The following CDH18 variants were observed in gnomAD, a reference collection of about 807,000 sequenced individuals.
CDH18 encodes the protein cadherin 18.
CDH18 carries 31 observed loss-of-function variants against 67.9 expected under a neutral mutation model. The observed-to-expected ratio is 0.46, with a 90% CI of 0.34 to 0.62. The LOEUF (loss-of-function observed/expected upper bound fraction) is 0.62. CDH18 is among the 20% of genes least tolerant of loss of function. The pLI is 0.01. For missense variants in CDH18, 890 were observed against 975.5 expected (o/e 0.91, Z 1.17); for synonymous variants, 362 against 347.2 (o/e 1.04, Z -0.48).
chr5:19,961,103 T>A (rs934398547), intron 2 of CDH18, among the ~76,000 whole-genome samples: 5 of 117,164 alleles, frequency 4.3e-5, no homozygotes, highest in Non-Finnish European at 7.8e-5. Flanking sequence ...CATTATAATT[T>A]TTTTTTTTTT....
At chr5:19,829,150 C>A (rs955976686) in intron 3 of CDH18, among the ~76,000 whole-genome samples, 1 of 152,084 alleles carries the variant, frequency 6.6e-6, no homozygotes, top group Non-Finnish European at 1.5e-5. Context: ...CAGAAACAGA[C>A]CAAAACAAAC....
chr5:19,746,085 TAAAG>T (rs1401399497), intron 4 of CDH18, among the ~76,000 whole-genome samples: 5 of 152,138 alleles, frequency 3.3e-5, no homozygotes, highest in African/African-American at 7.2e-5. Flanking sequence ...TAGAGTCTCA[TAAAG>T]ATAGTCGAAA....
At chr5:19,811,550 G>C (rs1251479589) in intron 3 of CDH18, among the ~76,000 whole-genome samples, 1 of 152,088 alleles carries the variant, frequency 6.6e-6, no homozygotes, top group East Asian at 1.9e-4. Flanking sequence ...ATAATATGCT[G>C]TTTAAGTCAC....
At chr5:19,691,767 G>T (rs1464102486) in intron 5 of CDH18, among the ~76,000 whole-genome samples, 3 of 151,530 alleles carry the variant, frequency 2.0e-5, no homozygotes, top group African/African-American at 7.3e-5. Flanking sequence ...CTCTTGGAAA[G>T]AAAAAAATCC....
chr5:19,556,649 A>G (rs1442909374), intron 8 of CDH18, among the ~76,000 whole-genome samples: 1 of 152,148 alleles, frequency 6.6e-6, no homozygotes, highest in African/African-American at 2.4e-5. Context: ...AAACATAAAA[A>G]CAATTGGTGC....
chr5:19,756,774 G>C (rs1455627925), intron 3 of CDH18, among the ~76,000 whole-genome samples: 2 of 152,184 alleles, frequency 1.3e-5, no homozygotes, highest in African/African-American at 4.8e-5. Context: ...AAGGCCTCTA[G>C]GCCAGCAGAA....
intron 2 of CDH18, among the ~76,000 whole-genome samples, chr5:19,960,779 GTA>G (rs149626640): frequency 0.095 from 13,127 of 138,434 alleles, 2,617 homozygotes; most frequent in African/African-American, 0.35. Context: ...ATATACACGT[GTA>G]TATATATGTG....
intron 11 of CDH18, among the ~76,000 whole-genome samples, chr5:19,490,936 C>T (rs915620059): frequency 6.6e-6 from 1 of 152,066 alleles, no homozygotes; most frequent in South Asian, 2.1e-4. Flanking sequence ...TTTGAAATAA[C>T]CAGAGAGAGA....
chr5:20,016,378 T>C (rs112026159), intron 2 of CDH18, among the ~76,000 whole-genome samples: 3 of 152,244 alleles, frequency 2.0e-5, no homozygotes, highest in African/African-American at 7.2e-5. Context: ...ACGTAGTACC[T>C]GAATGACAAA....
chr5:20,486,719 ATG>A (rs1232909444), intron 1 of CDH18, among the ~76,000 whole-genome samples: 1 of 146,912 alleles, frequency 6.8e-6, no homozygotes, highest in Non-Finnish European at 1.5e-5. Context: ...GTGTGTGTGT[ATG>A]TGTGTGTGTG....
intron 2 of CDH18, among the ~76,000 whole-genome samples, chr5:19,959,040 T>G (rs188012482): frequency 1.1e-4 from 16 of 152,188 alleles, no homozygotes; most frequent in Admixed American, 8.5e-4. Context: ...ATGGTAAACG[T>G]TTTTTAAAAT....
At chr5:20,400,790 TAAAA>T (rs1364639847) in intron 1 of CDH18, among the ~76,000 whole-genome samples, 1 of 152,048 alleles carries the variant, frequency 6.6e-6, no homozygotes, top group Non-Finnish European at 1.5e-5. Context: ...ATCAAACAAA[TAAAA>T]TAAGTAAAAT....
At chr5:20,243,836 A>C (rs1423648473) in intron 2 of CDH18, among the ~76,000 whole-genome samples, 1 of 152,114 alleles carries the variant, frequency 6.6e-6, no homozygotes, top group Admixed American at 6.6e-5. Context: ...TAGCTCAAGG[A>C]TTGGCACTTG....
At chr5:20,449,319 G>T (rs943777313) in intron 1 of CDH18, among the ~76,000 whole-genome samples, 4 of 152,056 alleles carry the variant, frequency 2.6e-5, no homozygotes, top group African/African-American at 9.7e-5. Flanking sequence ...GAGTGTAAGT[G>T]CTGGAGTTTG....
intron 1 of CDH18, among the ~76,000 whole-genome samples, chr5:20,306,300 T>C (rs1736447533): frequency 6.6e-6 from 1 of 152,228 alleles, no homozygotes; most frequent in Admixed American, 6.5e-5. Context: ...AGCAGGTTTT[T>C]TTCATATTTC....
At chr5:20,275,729 C>A (rs1451524837) in intron 1 of CDH18, among the ~76,000 whole-genome samples, 1 of 152,144 alleles carries the variant, frequency 6.6e-6, no homozygotes, top group Non-Finnish European at 1.5e-5. Context: ...TAATAAGAAT[C>A]AAACTTCAGG....
chr5:19,881,873 A>G (rs973906967), intron 2 of CDH18, among the ~76,000 whole-genome samples: 1 of 152,104 alleles, frequency 6.6e-6, no homozygotes, highest in African/African-American at 2.4e-5. Context: ...ATTACATCTT[A>G]TACATGTTCA....
chr5:19,490,744 AC>A, intron 11 of CDH18, among the ~76,000 whole-genome samples: 1 of 151,910 alleles, frequency 6.6e-6, no homozygotes, highest in Non-Finnish European at 1.5e-5. Context: ...TTGTTTTTCT[AC>A]TTCTATTTTT....
chr5:19,537,190 T>C (rs964018938), intron 9 of CDH18, among the ~76,000 whole-genome samples: 1 of 151,580 alleles, frequency 6.6e-6, no homozygotes, highest in Non-Finnish European at 1.5e-5. Context: ...AGAACCAAAG[T>C]AATTCCCCCC....
Sources: allele counts gnomAD v4.1 joint callset (sites outside exome capture counted in the v4.1 genomes callset), GRCh38; gene constraint gnomAD v4.1.1; transcripts MANE v1.5; gene names NCBI Gene and HGNC (gene_info 2026-07-23, HGNC 2026-07-21).